Variants in GRAMD1B observed in about 807,000 individuals in gnomAD.
The protein encoded by GRAMD1B is GRAM domain containing 1B.
A neutral mutation model predicts 99.7 loss-of-function variants in GRAMD1B; 37 were observed. That is an observed-to-expected ratio of 0.37 (90% CI 0.29 to 0.49). The LOEUF is 0.49. Among genes scored for constraint, GRAMD1B ranks in the 20% least tolerant of loss-of-function variants. The pLI is 0.98. For missense variants in GRAMD1B, 888 were observed against 1,009.2 expected, an observed-to-expected ratio of 0.88 and a Z score of 1.63; for synonymous variants, 427 against 387.6, an observed-to-expected ratio of 1.10 and a Z score of -1.19.
chr11:123,584,833 C>G (rs934833447), intron 4 of GRAMD1B, among the ~76,000 whole-genome samples: 1 of 152,186 alleles, frequency 6.6e-6, no homozygotes, highest in Non-Finnish European at 1.5e-5. Context: ...ACAAGGCCTC[C>G]TGGTGCTTGG....
intron 1 of GRAMD1B, among the ~76,000 whole-genome samples, chr11:123,480,218 C>T (rs1287482017): frequency 6.6e-6 from 1 of 152,142 alleles, no homozygotes; most frequent in Admixed American, 6.5e-5. Context: ...AGAGTCCACC[C>T]TTTATTCCTT....
chr11:123,489,224 C>T (rs529660129), intron 2 of GRAMD1B, among the ~76,000 whole-genome samples: 5 of 151,910 alleles, frequency 3.3e-5, no homozygotes, highest in South Asian at 4.2e-4. Context: ...AACAGTGGGT[C>T]GAGGACGAAG....
chr11:123,470,545 A>G (rs1591631321), intron 1 of GRAMD1B, among the ~76,000 whole-genome samples: 1 of 129,274 alleles, frequency 7.7e-6, no homozygotes, highest in Admixed American at 9.4e-5. Flanking sequence ...GCGGGGTCTC[A>G]CTCTGTCACC....
At chr11:123,422,848 A>G (rs1429108780) in intron 1 of GRAMD1B, among the ~76,000 whole-genome samples, 1 of 152,142 alleles carries the variant, frequency 6.6e-6, no homozygotes, top group Non-Finnish European at 1.5e-5. Context: ...CTGGATCAGG[A>G]TCCTTCTCCC....
intron 2 of GRAMD1B, among the ~76,000 whole-genome samples, chr11:123,523,374 A>G (rs1361801244): frequency 2.0e-5 from 3 of 152,188 alleles, no homozygotes; most frequent in Non-Finnish European, 4.4e-5. Context: ...GTTAGTCTTC[A>G]GTGTCATTAT....
intron 1 of GRAMD1B, among the ~76,000 whole-genome samples, chr11:123,377,818 A>G (rs1946740286): frequency 6.6e-6 from 1 of 152,214 alleles, no homozygotes; most frequent in Non-Finnish European, 1.5e-5. Context: ...CCATCTAAAG[A>G]AAAGACTTGC....
intron 15 of GRAMD1B, chr11:123,613,150 C>T (rs1953831705): frequency 3.6e-6 from 2 of 552,668 alleles, no homozygotes; most frequent in Non-Finnish European, 6.4e-6. Flanking sequence ...ATAGGTGGCT[C>T]TGTGACGAGA....
intron 7 of GRAMD1B, chr11:123,597,889 G>T: frequency 1.2e-6 from 1 of 832,628 alleles, no homozygotes; most frequent in Non-Finnish European, 2.1e-6. Context: ...AATAGAACAA[G>T]CAGATCTCAG....
chr11:123,565,299 G>A (rs961429613), intron 2 of GRAMD1B, among the ~76,000 whole-genome samples: 1 of 150,610 alleles, frequency 6.6e-6, no homozygotes, highest in African/African-American at 2.4e-5. Context: ...TCGGCCTCCC[G>A]AAGTGCTGGG....
intron 2 of GRAMD1B, among the ~76,000 whole-genome samples, chr11:123,486,213 C>G (rs1937741994): frequency 6.6e-6 from 1 of 152,130 alleles, no homozygotes; most frequent in Admixed American, 6.5e-5. Flanking sequence ...ACATTTTACT[C>G]TCAGTTTCCT....
intron 1 of GRAMD1B, among the ~76,000 whole-genome samples, chr11:123,413,266 C>T (rs1425229897): frequency 6.6e-6 from 1 of 152,140 alleles, no homozygotes; most frequent in Admixed American, 6.6e-5. Flanking sequence ...AAATTTCCAC[C>T]CCTGCCTTCC....
intron 1 of GRAMD1B, among the ~76,000 whole-genome samples, chr11:123,361,681 A>G (rs1946150859): frequency 6.6e-6 from 1 of 152,128 alleles, no homozygotes; most frequent in East Asian, 1.9e-4. Flanking sequence ...CACTGCACAT[A>G]TATTTTAGCT....
intron 1 of GRAMD1B, among the ~76,000 whole-genome samples, chr11:123,362,648 C>T (rs1946183484): frequency 6.6e-6 from 1 of 152,184 alleles, no homozygotes; most frequent in Non-Finnish European, 1.5e-5. Context: ...ACATATTAAT[C>T]TAGATGAGGA....
chr11:123,449,668 G>A (rs928565262), intron 1 of GRAMD1B, among the ~76,000 whole-genome samples: 1 of 146,698 alleles, frequency 6.8e-6, no homozygotes, highest in Non-Finnish European at 1.5e-5. Flanking sequence ...TTGACATCCT[G>A]ATCTCTTGAA....
At position 123,492,796 on chromosome 11, in the gene GRAMD1B, G is replaced by A. The variant is rs765453015; in HGVS notation, c.452+11903G>A. Reference sequence around the variant, plus strand: ...GGGGCCAAATGGATTTCAGAGGTAGGGAGAGGCTAGAGGCAGTAGGTGGCT... The same window carrying A: ...GGGGCCAAATGGATTTCAGAGGTAGAGAGAGGCTAGAGGCAGTAGGTGGCT... On this transcript the variant is annotated intron_variant, in intron 2 of 19. Coordinates refer to ENST00000635736, the MANE Select transcript of GRAMD1B (RefSeq NM_001387025.1). This position sits in a 1 kb window ranked among gnomAD's most constrained non-coding sequence, Gnocchi z 4.2. 2.6e-5 allele frequency among the ~76,000 whole-genome samples: 4 copies of A among 151,288 alleles called. No homozygotes were observed. The highest frequency in any genetic ancestry group is 1.3e-4 in the Admixed American group (2 of 15,180).
At chr11:123,450,013 A>G (rs1949815168) in intron 1 of GRAMD1B, among the ~76,000 whole-genome samples, 12 of 152,170 alleles carry the variant, frequency 7.9e-5, no homozygotes, top group African/African-American at 2.9e-4. Flanking sequence ...ATGAGTCACC[A>G]CACCTGAACC....
At chr11:123,377,714 G>A (rs1369848522) in intron 1 of GRAMD1B, among the ~76,000 whole-genome samples, 3 of 152,170 alleles carry the variant, frequency 2.0e-5, no homozygotes, top group Non-Finnish European at 4.4e-5. Flanking sequence ...CAGAAGAGCT[G>A]GAAGATAATA....
chr11:123,426,667 A>G (rs1948662954), upstream of GRAMD1B, among the ~76,000 whole-genome samples: 1 of 152,164 alleles, frequency 6.6e-6, no homozygotes, highest in South Asian at 2.1e-4. Flanking sequence ...TCTGTCTTGC[A>G]ACAACAGTGT....
intron 3 of GRAMD1B, chr11:123,578,326 G>T: frequency 6.7e-6 from 8 of 1,196,666 alleles, no homozygotes; most frequent in Non-Finnish European, 9.6e-6. Flanking sequence ...CTTCCCACTT[G>T]AATTTGTCTT....
Sources: allele counts gnomAD v4.1 joint callset (sites outside exome capture counted in the v4.1 genomes callset), GRCh38; gene constraint gnomAD v4.1.1; non-coding constraint Gnocchi (gnomAD v3.1); transcripts MANE v1.5; gene names NCBI Gene and HGNC (gene_info 2026-07-23, HGNC 2026-07-21).